The following LARP4 variants were observed in gnomAD, a reference collection of about 807,000 sequenced individuals.
LARP4 encodes la-related protein 4.
A neutral mutation model predicts 92.9 loss-of-function variants in LARP4; 29 were observed. The ratio of observed to expected loss-of-function variants is 0.31; its 90% CI spans 0.23 to 0.43. LARP4 has a LOEUF of 0.43. Among genes scored for constraint, LARP4 ranks in the 20% least tolerant of loss-of-function variants. The pLI, the probability that LARP4 is intolerant of heterozygous loss-of-function variation, is 1.00. For synonymous variants in LARP4, 279 were observed against 284.1 expected, an observed-to-expected ratio of 0.98 and a Z score of 0.18; for missense variants, 732 against 860.0, an observed-to-expected ratio of 0.85 and a Z score of 1.86.
chr12:50,422,015 G>T (rs1172279090), intron 1 of LARP4, among the ~76,000 whole-genome samples: 2 of 151,340 alleles, frequency 1.3e-5, no homozygotes, highest in Admixed American at 1.3e-4. Flanking sequence ...TGTCACCCAG[G>T]TTGGAGTGCA....
intron 13 of LARP4, among the ~76,000 whole-genome samples, 166 bp from the exon 14 acceptor site, chr12:50,473,249 T>A (rs4768880): frequency 0.7 from 106,214 of 152,150 alleles, 43,824 homozygotes; most frequent in Non-Finnish European, 0.93. Context: ...GTCTTTTTTT[T>A]AATTATAACC....
intron 1 of LARP4, among the ~76,000 whole-genome samples, chr12:50,426,188 C>T (rs1373017010): frequency 6.6e-6 from 1 of 152,152 alleles, no homozygotes; most frequent in Non-Finnish European, 1.5e-5. Context: ...TGTCTCCTTC[C>T]CACTGTCCTT....
At chr12:50,453,220 G>A (rs1159203843) in intron 8 of LARP4, among the ~76,000 whole-genome samples, 1 of 151,524 alleles carries the variant, frequency 6.6e-6, no homozygotes, top group Non-Finnish European at 1.5e-5. Context: ...TGGTTATTTT[G>A]ACGTGTGTTT....
rs1223934325 is a variant in LARP4 at position 50,479,283 on chromosome 12, A to G, written c.*3419A>G. 6.6e-6 allele frequency: 1 copy of G among 152,594 alleles called. No homozygotes were observed. The highest frequency in any genetic ancestry group is 6.5e-5 in the Admixed American group (1 of 15,268). 9.5% of individuals were successfully genotyped at this position (152,594 alleles called of 1,614,324 possible). A position where few individuals can be genotyped will look rare whatever the true frequency, so the allele number is the denominator to read the frequency against. Reference sequence around the variant, plus strand: ...ATATTAACCATATTTTAAAAGTACCAATTTTGTTTTTACAGAAAAGATAAA... The same window carrying G: ...ATATTAACCATATTTTAAAAGTACCGATTTTGTTTTTACAGAAAAGATAAA... On this transcript the variant is annotated 3_prime_UTR_variant, in exon 16 of 16. Transcript: ENST00000398473.
intron 1 of LARP4, among the ~76,000 whole-genome samples, chr12:50,417,154 A>G (rs977008818): frequency 5.3e-5 from 8 of 152,024 alleles, no homozygotes; most frequent in African/African-American, 1.9e-4. Flanking sequence ...TCACGCCTAT[A>G]ATCCCAGCAC....
chr12:50,447,535 C>CTGTT (rs1952411927), intron 8 of LARP4, among the ~76,000 whole-genome samples: 1 of 151,980 alleles, frequency 6.6e-6, no homozygotes, highest in Admixed American at 6.6e-5. Flanking sequence ...TAATTAGTTA[C>CTGTT]TGTTTACCCA....
rs1181223706 is a variant in LARP4 at position 50,476,708 on chromosome 12, G to C, written c.*844G>C. On this transcript the variant is annotated 3_prime_UTR_variant, in exon 16 of 16. Transcript: ENST00000398473. ...ATTCCCCCGAATACCCCCAAAATGA[G>C]AAACAAAATTTTTTTTCTTACTCCA... 1 of 152,350 alleles carries C rather than the reference G, an allele frequency of 6.6e-6. No individual in the cohort carries two copies. Among genetic ancestry groups the C allele is most frequent in the Non-Finnish European group, 1.5e-5 (1 of 67,980 alleles). 9.4% of individuals were successfully genotyped at this position (152,350 alleles called of 1,614,324 possible). A position where few individuals can be genotyped will look rare whatever the true frequency, so the allele number is the denominator to read the frequency against.
At chr12:50,408,128 G>A (rs1486801924) in intron 1 of LARP4, among the ~76,000 whole-genome samples, 1 of 147,170 alleles carries the variant, frequency 6.8e-6, no homozygotes, top group African/African-American at 2.5e-5. Context: ...CTCCAGGGAT[G>A]AGTTGAGTTA....
chr12:50,418,017 C>A (rs577620474), intron 1 of LARP4, among the ~76,000 whole-genome samples: 25 of 152,210 alleles, frequency 1.6e-4, no homozygotes, highest in African/African-American at 5.5e-4. Context: ...CCCACCACCA[C>A]GCCCGGCTAA....
intron 8 of LARP4, among the ~76,000 whole-genome samples, chr12:50,446,760 C>T (rs1000286291): frequency 2.6e-5 from 4 of 151,906 alleles, no homozygotes; most frequent in Non-Finnish European, 4.4e-5. Flanking sequence ...ATGCTGTTTA[C>T]TTGATTTTAG....
intron 10 of LARP4, among the ~76,000 whole-genome samples, chr12:50,459,734 G>A (rs1321859674): frequency 6.7e-6 from 1 of 149,052 alleles, no homozygotes; most frequent in African/African-American, 2.5e-5. Context: ...TGAGGCAGGA[G>A]AATCTCTTGA....
chr12:50,453,521 G>T lies in LARP4; in HGVS notation c.866G>T (p.Ser289Ile). The T allele has an allele frequency of 6.2e-7, 1 of 1,613,150 alleles. No homozygotes were observed. ...AATGGTTATCGATTAATGGATTCTA[G>T]TATCTATAGTCACCCCATTCAAACT... ...AKNGYRLMDS[S>I]IYSHPIQTQA... The change falls in exon 9 of 16, where the codon AGT (serine) becomes ATT (isoleucine). Residue 289 changes from serine to isoleucine, a missense_variant. By Grantham distance (142) the Ser-to-Ile change is moderately radical. Transcript: ENST00000398473.
At chr12:50,402,583 T>C (rs1027870072) in intron 1 of LARP4, 12 of 265,780 alleles carry the variant, frequency 4.5e-5, no homozygotes, top group Non-Finnish European at 9.0e-5. Flanking sequence ...TTCCTTTGGC[T>C]TTATTAAAAT....
At chr12:50,416,422 A>T (rs7308184) in intron 1 of LARP4, 127,090 of 152,116 alleles carry the variant, frequency 0.84, 55,600 homozygotes, top group East Asian at 0.98. Context: ...AGCACTTGGG[A>T]TGGGAGGCTA....
intron 4 of LARP4, among the ~76,000 whole-genome samples, chr12:50,433,930 A>G (rs1593047556): frequency 6.6e-6 from 1 of 152,114 alleles, no homozygotes; most frequent in Non-Finnish European, 1.5e-5. Context: ...GTGAGCCACC[A>G]TGCCTGGCCT....
chr12:50,462,699 TCTTTC>T, intron 12 of LARP4, 69 bp downstream of exon 12: 4 of 1,040,498 alleles, frequency 3.8e-6, no homozygotes, highest in Non-Finnish European at 5.8e-6. Context: ...TGACTTTCGG[TCTTTC>T]CTTTCTGGGT....
chr12:50,463,250 A>G (rs1955681657), intron 12 of LARP4, among the ~76,000 whole-genome samples: 1 of 151,002 alleles, frequency 6.6e-6, no homozygotes, highest in Non-Finnish European at 1.5e-5. Context: ...TGCAAGTGCA[A>G]AACCAAGCAG....
chr12:50,446,429 A>ATATATATTTT (rs1256347854), intron 8 of LARP4, among the ~76,000 whole-genome samples: 1 of 3,916 alleles, frequency 2.6e-4, no homozygotes, highest in African/African-American at 8.3e-4. Context: ...ATATATATAT[A>ATATATATTTT]TTTTTTTTTT....
chr12:50,447,140 C>T (rs574982997), intron 8 of LARP4, among the ~76,000 whole-genome samples: 1 of 152,136 alleles, frequency 6.6e-6, no homozygotes, highest in Non-Finnish European at 1.5e-5. Context: ...GCTCCAAAAT[C>T]GAAAAGTTTT....
Sources: allele counts gnomAD v4.1 joint callset (sites outside exome capture counted in the v4.1 genomes callset), GRCh38; gene constraint gnomAD v4.1.1; transcripts MANE v1.5; gene names NCBI Gene and HGNC (gene_info 2026-07-23, HGNC 2026-07-21).